The following ESYT2 variants were observed in gnomAD, a reference collection of about 807,000 sequenced individuals.
The protein encoded by ESYT2 is extended synaptotagmin-2.
A neutral mutation model predicts 107.2 loss-of-function variants in ESYT2; 54 were observed. The ratio of observed to expected loss-of-function variants is 0.50; its 90% CI spans 0.40 to 0.63. The LOEUF is 0.63. Ranked by LOEUF, ESYT2 falls within the 30% of genes least tolerant of loss-of-function variation. ESYT2 has a pLI of 0.00. For synonymous variants in ESYT2, 491 were observed against 434.1 expected (o/e 1.13, Z -1.63); for missense variants, 1,020 against 1,094.5 (o/e 0.93, Z 0.96).
intron 1 of ESYT2, among the ~76,000 whole-genome samples, chr7:158,813,994 G>A (rs1360282557): frequency 6.6e-6 from 1 of 151,666 alleles, no homozygotes; most frequent in East Asian, 2.0e-4. Context: ...TGTTACTCAG[G>A]CCAGACGCGG....
At chr7:158,784,377 C>G (rs1194643243) in intron 6 of ESYT2, among the ~76,000 whole-genome samples, 1 of 152,226 alleles carries the variant, frequency 6.6e-6, no homozygotes, top group Admixed American at 6.5e-5. Flanking sequence ...CTCCTACCCC[C>G]AGCTGGTCCA....
At chr7:158,765,781 C>G (rs1218920291) in intron 8 of ESYT2, among the ~76,000 whole-genome samples, 1 of 151,900 alleles carries the variant, frequency 6.6e-6, no homozygotes, top group Non-Finnish European at 1.5e-5. Flanking sequence ...TAGTCCTTTC[C>G]CGAAAATATT....
At chr7:158,801,646 T>TAAAA (rs10625146) in intron 1 of ESYT2, among the ~76,000 whole-genome samples, 9 of 151,894 alleles carry the variant, frequency 5.9e-5, no homozygotes, top group Non-Finnish European at 8.8e-5. Flanking sequence ...TCTTTCAACT[T>TAAAA]AAAGACTCAA....
At chr7:158,803,806 C>CTTTTGAGAAGGGTGAGG (rs1839718335) in intron 1 of ESYT2, among the ~76,000 whole-genome samples, 1 of 146,674 alleles carries the variant, frequency 6.8e-6, no homozygotes, top group African/African-American at 2.5e-5. Flanking sequence ...CAAACCCAAA[C>CTTTTGAGAAGGGTGAGG]CGTTGAGAAG....
chr7:158,764,788 T>C lies in ESYT2; in HGVS notation c.990A>G (p.Gly330=), dbSNP rs767042630. 3 of 1,614,066 alleles carry C rather than the reference T, an allele frequency of 1.9e-6. No homozygotes were observed. Among genetic ancestry groups the C allele is most frequent in the Non-Finnish European group, 2.5e-6 (3 of 1,180,030 alleles). Residue 330 remains glycine, a synonymous_variant, in exon 9 of 23, where the codon GGA becomes GGG. Coordinates refer to ENST00000275418, the MANE Select transcript of ESYT2 (RefSeq NM_001367773.1). The part of the protein sequence containing the change: ...DLQGKDTYLK[G]LVKGKSDPYG... ...AGGGGTCTGACTTTCCCTTGACAAG[T>C]CCCTTAAGGTAAGTGTCTTTCCCCT...
At chr7:158,783,776 TC>T (rs1483931890) in intron 6 of ESYT2, among the ~76,000 whole-genome samples, 1 of 152,166 alleles carries the variant, frequency 6.6e-6, no homozygotes, top group African/African-American at 2.4e-5. Flanking sequence ...GGCACCTGCA[TC>T]CCCGGTGTGC....
At position 158,788,237 on chromosome 7, in the gene ESYT2, A is replaced by G. The variant is rs562809411; in HGVS notation, c.657+108T>C. 381 of 1,217,676 alleles carry G rather than the reference A, an allele frequency of 3.1e-4. 1 individual carries two copies. The African/African-American group carries it at 5.3e-3, about 17-fold the overall frequency. The allele number at this position is 1,217,676 out of a possible 1,614,324, so 75.4% of individuals were successfully genotyped here. On this transcript the variant is annotated intron_variant, in intron 5 of 22. Coordinates refer to ENST00000275418, the MANE Select transcript of ESYT2 (RefSeq NM_001367773.1). ...AACTATGACCTACAGCTAAAAACTGAACGTCAAAAAAATTCCAAGCTAAAA... is the reference window on the plus strand; with the variant it reads ...AACTATGACCTACAGCTAAAAACTGGACGTCAAAAAAATTCCAAGCTAAAA...
intron 1 of ESYT2, among the ~76,000 whole-genome samples, chr7:158,808,292 C>G (rs1217904792): frequency 1.3e-5 from 2 of 152,248 alleles, no homozygotes. Flanking sequence ...CTCACTCTGT[C>G]CAGCTCGAGA....
At chr7:158,757,174 C>T (rs146721889) in intron 13 of ESYT2, among the ~76,000 whole-genome samples, 6 of 152,028 alleles carry the variant, frequency 3.9e-5, no homozygotes, top group Non-Finnish European at 7.4e-5. Flanking sequence ...TTACATTTCA[C>T]AAAACAAGCA....
chr7:158,774,994 T>C (rs567134018), intron 6 of ESYT2, among the ~76,000 whole-genome samples: 3 of 152,248 alleles, frequency 2.0e-5, no homozygotes, highest in Non-Finnish European at 2.9e-5. Context: ...TCAAAGATGC[T>C]ATTTAACAAA....
chr7:158,773,106 G>A (rs540050116), intron 7 of ESYT2, among the ~76,000 whole-genome samples: 9 of 152,158 alleles, frequency 5.9e-5, no homozygotes, highest in Admixed American at 1.3e-4. Flanking sequence ...TGAAGACTGC[G>A]TCCTCAGCTG....
At chr7:158,751,686 G>C (rs1837590204) in intron 14 of ESYT2, among the ~76,000 whole-genome samples, 2 of 152,190 alleles carry the variant, frequency 1.3e-5, no homozygotes, top group Admixed American at 1.3e-4. Context: ...ATAATTTCAT[G>C]AAGAGGATAC....
chr7:158,811,607 C>T (rs1478155587), intron 1 of ESYT2, among the ~76,000 whole-genome samples: 1 of 152,236 alleles, frequency 6.6e-6, no homozygotes, highest in Non-Finnish European at 1.5e-5. Context: ...AGCTCACACA[C>T]ACACCTGCAA....
intron 18 of ESYT2, among the ~76,000 whole-genome samples, chr7:158,740,623 C>A (rs143900993): frequency 1.1e-3 from 161 of 152,290 alleles, no homozygotes; most frequent in Non-Finnish European, 1.9e-3. Context: ...TGTTCAGTGG[C>A]CCCTAAGATC....
chr7:158,749,603 G>T, intron 15 of ESYT2, 46 bp downstream of exon 15: 1 of 1,588,566 alleles, frequency 6.3e-7, no homozygotes, highest in Non-Finnish European at 8.6e-7. Flanking sequence ...CACGGACAGC[G>T]CCCGCACGAC....
intron 9 of ESYT2, among the ~76,000 whole-genome samples, chr7:158,764,287 G>A (rs1448668157): frequency 6.6e-6 from 1 of 152,036 alleles, no homozygotes; most frequent in Non-Finnish European, 1.5e-5. Flanking sequence ...TCTATTCATT[G>A]ACATGTGAAG....
At chr7:158,748,302 T>C (rs1272014013) in intron 15 of ESYT2, 22 bp from the exon 16 acceptor site, 1 of 1,574,754 alleles carries the variant, frequency 6.4e-7, no homozygotes, top group Non-Finnish European at 8.7e-7. Flanking sequence ...ATCCAAATTA[T>C]TAGCTCTGAT....
At chr7:158,758,528 G>A (rs1837845741) in intron 13 of ESYT2, among the ~76,000 whole-genome samples, 1 of 152,216 alleles carries the variant, frequency 6.6e-6, no homozygotes. Flanking sequence ...AAAGACACAG[G>A]AAGACGATTT....
At chr7:158,768,444 A>G (rs1270780150) in intron 7 of ESYT2, among the ~76,000 whole-genome samples, 2 of 152,198 alleles carry the variant, frequency 1.3e-5, no homozygotes, top group African/African-American at 4.8e-5. Context: ...AATGAGACAG[A>G]GTTTTGATCC....
Sources: allele counts gnomAD v4.1 joint callset (sites outside exome capture counted in the v4.1 genomes callset), GRCh38; gene constraint gnomAD v4.1.1; transcripts MANE v1.5; gene names NCBI Gene and HGNC (gene_info 2026-07-23, HGNC 2026-07-21).